The following HIVEP1 variants were observed in gnomAD, a reference collection of about 807,000 sequenced individuals.
HIVEP1 encodes zinc finger protein 40.
In HIVEP1, 36 loss-of-function variants were observed where a neutral mutation model predicts 180.0. That is an observed-to-expected ratio of 0.20 (90% CI 0.15 to 0.26). The LOEUF is 0.26. HIVEP1 is among the 10% of genes least tolerant of loss of function. The probability of loss-of-function intolerance (pLI) is 1.00; values close to 1 mark genes in which losing one functional copy is unlikely to be tolerated. For synonymous variants in HIVEP1, 1,239 were observed against 1,239.0 expected, an observed-to-expected ratio of 1.00 and a Z score of 0.00; for missense variants, 3,143 against 3,268.7, an observed-to-expected ratio of 0.96 and a Z score of 0.94.
chr6:12,025,323 A>C (rs1768507294), intron 2 of HIVEP1, among the ~76,000 whole-genome samples: 1 of 152,108 alleles, frequency 6.6e-6, no homozygotes, highest in African/African-American at 2.4e-5. Flanking sequence ...TTTTTTCTTA[A>C]GCCTTTAATT....
At chr6:12,009,368 A>G (rs114413521), upstream of HIVEP1, among the ~76,000 whole-genome samples, 1,218 of 152,270 alleles carry the variant, frequency 8.0e-3, 19 homozygotes, top group African/African-American at 0.028. Flanking sequence ...TTTCAGTGAC[A>G]CTATCCTCCC....
chr6:12,011,784 G>A (rs534048491), upstream of HIVEP1, among the ~76,000 whole-genome samples: 905 of 148,246 alleles, frequency 6.1e-3, 13 homozygotes, highest in African/African-American at 0.021. Flanking sequence ...CAGAGCTGGC[G>A]GCCGCGCCGG....
chr6:12,076,083 G>T (rs1239139537), intron 2 of HIVEP1, among the ~76,000 whole-genome samples: 1 of 152,024 alleles, frequency 6.6e-6, no homozygotes, highest in Admixed American at 6.6e-5. Flanking sequence ...TTTTTGAAAG[G>T]AACTGAGTTG....
rs746294103 is a variant in HIVEP1 at position 12,121,173 on chromosome 6, A to C, written c.1378A>C (p.Ile460Leu). The C allele has an allele frequency of 6.2e-7, 1 of 1,614,168 alleles. No homozygotes were observed. The highest frequency in any genetic ancestry group is 8.5e-7 in the Non-Finnish European group (1 of 1,180,022). Reference protein sequence around the residue: ...YKHKKSHAHTIKLGLVLQPDA... With the variant: ...YKHKKSHAHTLKLGLVLQPDA... ...GCACAAGAAATCCCACGCACATACT[A>C]TCAAACTGGGTCTTGTCTTGCAACC... The change falls in exon 4 of 9, where the codon ATC becomes CTC. Residue 460 changes from isoleucine to leucine, a missense_variant. Coordinates refer to ENST00000379388, the MANE Select transcript of HIVEP1 (RefSeq NM_002114.4). The surrounding 1 kb of genome is among the most constrained non-coding windows in gnomAD (Gnocchi z 5.3).
chr6:12,133,661 A>C (rs950042981), intron 6 of HIVEP1, among the ~76,000 whole-genome samples: 1 of 152,202 alleles, frequency 6.6e-6, no homozygotes, highest in Non-Finnish European at 1.5e-5. Flanking sequence ...AATAACCTGC[A>C]ATGGCTGTCT....
intron 3 of HIVEP1, among the ~76,000 whole-genome samples, chr6:12,109,494 C>G (rs1406985897): frequency 6.6e-6 from 1 of 152,202 alleles, no homozygotes; most frequent in African/African-American, 2.4e-5. Flanking sequence ...ATTTCAGCAG[C>G]GTTTACAGCA....
At chr6:12,210,079 G>A in the HIVEP1 span, among the ~76,000 whole-genome samples, 2 of 152,130 alleles carry the variant, frequency 1.3e-5, no homozygotes, top group East Asian at 3.9e-4. Context: ...CTCCAGTCTG[G>A]GCAACAGAGC....
downstream of HIVEP1, among the ~76,000 whole-genome samples, chr6:12,167,370 T>C (rs1760729995): frequency 1.3e-5 from 2 of 151,756 alleles, no homozygotes; most frequent in Admixed American, 6.6e-5. Context: ...CAACTTCAAA[T>C]AATACCAGAA....
At chr6:12,098,162 T>C (rs1430085682) in intron 3 of HIVEP1, among the ~76,000 whole-genome samples, 3 of 152,206 alleles carry the variant, frequency 2.0e-5, no homozygotes, top group Non-Finnish European at 4.4e-5. Flanking sequence ...GATTAGAAGA[T>C]GCATCCTGAT....
At chr6:12,152,243 T>A (rs1759750071) in intron 7 of HIVEP1, among the ~76,000 whole-genome samples, 2 of 152,324 alleles carry the variant, frequency 1.3e-5, no homozygotes, top group African/African-American at 4.8e-5. Context: ...TAACATGCAG[T>A]AGCAAAGTAA....
At chr6:12,117,418 T>G (rs1052070437) in intron 3 of HIVEP1, among the ~76,000 whole-genome samples, 3 of 152,210 alleles carry the variant, frequency 2.0e-5, no homozygotes, top group African/African-American at 7.2e-5. Flanking sequence ...TAACTCCCAG[T>G]AGATTTATAG....
chr6:12,020,185 T>A, intron 2 of HIVEP1: 1 of 404,242 alleles, frequency 2.5e-6, no homozygotes, highest in Admixed American at 2.8e-5. Context: ...TTCAGTCTCT[T>A]CACCCTTGGC....
At chr6:12,194,820 A>C in the HIVEP1 span, among the ~76,000 whole-genome samples, 1 of 152,162 alleles carries the variant, frequency 6.6e-6, no homozygotes, top group East Asian at 1.9e-4. Context: ...ACAAACAACA[A>C]AAAACATAAG....
At chr6:12,206,597 G>T in the HIVEP1 span, among the ~76,000 whole-genome samples, 1 of 152,200 alleles carries the variant, frequency 6.6e-6, no homozygotes, top group African/African-American at 2.4e-5. Context: ...TTTAGAGGAA[G>T]CGTGGCCTTC....
At chr6:12,131,565 A>T (rs1281813722) in intron 6 of HIVEP1, among the ~76,000 whole-genome samples, 1 of 151,684 alleles carries the variant, frequency 6.6e-6, no homozygotes, top group Non-Finnish European at 1.5e-5. Flanking sequence ...ATATGTTTTT[A>T]TTTATAAGCC....
chr6:12,063,688 CA>C lies in HIVEP1; in HGVS notation c.41-25495del, dbSNP rs1264765488. On this transcript the variant is annotated intron_variant, in intron 2 of 8. Coordinates refer to ENST00000379388, the MANE Select transcript of HIVEP1 (RefSeq NM_002114.4). The surrounding 1 kb of genome is among the most constrained non-coding windows in gnomAD (Gnocchi z 4.2). Reference sequence around the variant, plus strand: ...AAGAATCAGAGGACTTGGGGATTGCCAGAGTATTACACATTTGACAGCACTT... The same window carrying C: ...AAGAATCAGAGGACTTGGGGATTGCCGAGTATTACACATTTGACAGCACTT... 2.0e-5 allele frequency among the ~76,000 whole-genome samples: 3 copies of C among 152,078 alleles called. No homozygotes were observed. Among genetic ancestry groups the C allele is most frequent in the African/African-American group, 7.2e-5 (3 of 41,400 alleles).
At chr6:12,190,811 A>G in the HIVEP1 span, among the ~76,000 whole-genome samples, 1 of 152,166 alleles carries the variant, frequency 6.6e-6, no homozygotes, top group African/African-American at 2.4e-5. Context: ...ACACATTGCA[A>G]CTGGGTTGGA....
At chr6:12,132,672 C>G (rs1041073971) in intron 6 of HIVEP1, among the ~76,000 whole-genome samples, 2 of 152,112 alleles carry the variant, frequency 1.3e-5, no homozygotes, top group Non-Finnish European at 2.9e-5. Flanking sequence ...CTTTTCATGT[C>G]TTACACATCT....
upstream of HIVEP1, among the ~76,000 whole-genome samples, chr6:12,009,506 C>T (rs1767173165): frequency 6.6e-6 from 1 of 152,212 alleles, no homozygotes; most frequent in African/African-American, 2.4e-5. Flanking sequence ...CTTGCTCCTG[C>T]ATTGTCCCAG....
Sources: allele counts gnomAD v4.1 joint callset (sites outside exome capture counted in the v4.1 genomes callset), GRCh38; gene constraint gnomAD v4.1.1; non-coding constraint Gnocchi (gnomAD v3.1); transcripts MANE v1.5; gene names NCBI Gene and HGNC (gene_info 2026-07-23, HGNC 2026-07-21).